The following PRKN variants were observed in gnomAD, a reference collection of about 807,000 sequenced individuals.
PRKN encodes E3 ubiquitin-protein ligase parkin.
A neutral mutation model predicts 59.5 loss-of-function variants in PRKN; 56 were observed. That is an observed-to-expected ratio of 0.94 (90% CI 0.76 to 1.18). PRKN has a LOEUF of 1.18. Among genes scored for constraint, PRKN ranks in the 50% most tolerant of loss-of-function variants. The probability of loss-of-function intolerance (pLI) is 0.00; values close to 1 mark genes in which losing one functional copy is unlikely to be tolerated. For missense variants in PRKN, 657 were observed against 596.4 expected, an observed-to-expected ratio of 1.10 and a Z score of -1.06; for synonymous variants, 250 against 222.1, an observed-to-expected ratio of 1.13 and a Z score of -1.12.
At chr6:162,452,475 G>A (rs75319790) in intron 1 of PRKN, among the ~76,000 whole-genome samples, 14,161 of 150,230 alleles carry the variant, frequency 0.094, 1,026 homozygotes, top group East Asian at 0.38. Context: ...TAATAGGTGC[G>A]GGGTAAATAT....
rs1376646284 is a variant in PRKN at position 161,446,037 on chromosome 6, C to CACCCTAACTTTTATATATATATTTTA, written c.1084-59161_1084-59160insTAAAATATATATATAAAAGTTAGGGT. ...TGGGCAACATGGTGAAACCCTGTCT[C>CACCCTAACTTTTATATATATATTTTA]TATAAAAAATATAAAACTTAGCTGG... On this transcript the variant is annotated intron_variant, in intron 9 of 11. Transcript: ENST00000366898. This position sits in a 1 kb window ranked among gnomAD's most constrained non-coding sequence, Gnocchi z 6.2. Among the ~76,000 whole-genome samples, 328 of 148,072 alleles carry CACCCTAACTTTTATATATATATTTTA rather than the reference C, an allele frequency of 2.2e-3. 7 individuals are homozygous for CACCCTAACTTTTATATATATATTTTA. In the East Asian group the frequency reaches 0.049, roughly 22 times the overall value.
At chr6:162,583,104 C>A (rs1452381739) in intron 1 of PRKN, among the ~76,000 whole-genome samples, 1 of 152,098 alleles carries the variant, frequency 6.6e-6, no homozygotes, top group Non-Finnish European at 1.5e-5. Context: ...CCTCTTTGAT[C>A]CCCTCGCTCA....
chr6:161,808,603 A>C (rs1300261588), intron 6 of PRKN, among the ~76,000 whole-genome samples: 4 of 152,150 alleles, frequency 2.6e-5, no homozygotes. Context: ...ATTATCTATA[A>C]ATTTGAAATT....
At position 161,376,119 on chromosome 6, in the gene PRKN, C is replaced by T. The variant is rs1257754308; in HGVS notation, c.1167+10675G>A. On this transcript the variant is annotated intron_variant, in intron 10 of 11. Coordinates refer to ENST00000366898, the MANE Select transcript of PRKN (RefSeq NM_004562.3). This position sits in a 1 kb window ranked among gnomAD's most constrained non-coding sequence, Gnocchi z 7.3. ...CAAAATAGATCAAAAAAGATCTCAGCTCCCTGGAGCCACTGCTGCTTCAGT... is the reference window on the plus strand; with the variant it reads ...CAAAATAGATCAAAAAAGATCTCAGTTCCCTGGAGCCACTGCTGCTTCAGT... 1.3e-5 allele frequency among the ~76,000 whole-genome samples: 2 copies of T among 152,172 alleles called. No homozygotes were observed. Among genetic ancestry groups the T allele is most frequent in the African/African-American group, 4.8e-5 (2 of 41,434 alleles).
chr6:162,561,400 T>G (rs9346922), intron 1 of PRKN, among the ~76,000 whole-genome samples: 2 of 151,630 alleles, frequency 1.3e-5, no homozygotes, highest in Non-Finnish European at 2.9e-5. Flanking sequence ...GACAAGATGG[T>G]AGAATAGAAA....
At chr6:162,573,907 A>G (rs1295740525) in intron 1 of PRKN, among the ~76,000 whole-genome samples, 1 of 152,192 alleles carries the variant, frequency 6.6e-6, no homozygotes, top group Non-Finnish European at 1.5e-5. Context: ...GACTTTATTA[A>G]CCAAAACTAG....
At chr6:161,726,460 G>T (rs1057063501) in intron 7 of PRKN, among the ~76,000 whole-genome samples, 8 of 152,160 alleles carry the variant, frequency 5.3e-5, no homozygotes, top group Admixed American at 4.6e-4. Context: ...GTAAGTGTGG[G>T]TTTCCCTTTC....
At chr6:162,688,213 T>C (rs1179776284) in intron 1 of PRKN, among the ~76,000 whole-genome samples, 1 of 152,190 alleles carries the variant, frequency 6.6e-6, no homozygotes, top group African/African-American at 2.4e-5. Flanking sequence ...ACATAATGCA[T>C]GATTCCATCT....
intron 1 of PRKN, among the ~76,000 whole-genome samples, chr6:162,526,733 C>A (rs374142823): frequency 1.7e-3 from 259 of 152,230 alleles, no homozygotes; most frequent in African/African-American, 6.0e-3. Flanking sequence ...AAAAGAAAAG[C>A]TGCATAAGAG....
chr6:162,353,691 G>A (rs1291203241), intron 2 of PRKN, among the ~76,000 whole-genome samples: 2 of 152,070 alleles, frequency 1.3e-5, no homozygotes, highest in Non-Finnish European at 2.9e-5. Context: ...TGATATAATA[G>A]AAAGAGTCCA....
chr6:162,102,308 A>G (rs1225414449), intron 4 of PRKN, among the ~76,000 whole-genome samples: 6 of 152,062 alleles, frequency 3.9e-5, no homozygotes, highest in African/African-American at 7.2e-5. Context: ...CTGTTCCTGC[A>G]TTAGTTATGC....
chr6:161,366,965 T>G (rs1346324313), intron 10 of PRKN, among the ~76,000 whole-genome samples: 4 of 151,122 alleles, frequency 2.6e-5, no homozygotes, highest in Non-Finnish European at 5.9e-5. Context: ...TGAAGTTTTT[T>G]GGGGTTTTTT....
At chr6:161,671,985 T>G (rs899046289) in intron 7 of PRKN, among the ~76,000 whole-genome samples, 6 of 152,194 alleles carry the variant, frequency 3.9e-5, no homozygotes, top group Non-Finnish European at 8.8e-5. Context: ...TCTCATGAAC[T>G]CGATAGAGTT....
At chr6:161,415,220 G>T (rs1260014220) in intron 9 of PRKN, among the ~76,000 whole-genome samples, 3 of 152,126 alleles carry the variant, frequency 2.0e-5, no homozygotes, top group Non-Finnish European at 4.4e-5. Context: ...TACCGTGTCC[G>T]CGAGGAACCA....
chr6:161,728,842 G>T (rs1787558557), intron 7 of PRKN, among the ~76,000 whole-genome samples: 1 of 152,088 alleles, frequency 6.6e-6, no homozygotes, highest in South Asian at 2.1e-4. Flanking sequence ...GAGCCTAATA[G>T]CAGGAACATA....
chr6:161,855,205 C>A (rs183500491), intron 6 of PRKN, among the ~76,000 whole-genome samples: 364 of 151,970 alleles, frequency 2.4e-3, no homozygotes, highest in Non-Finnish European at 3.5e-3. Context: ...ACCCCCAGAA[C>A]CTCTTTCTGC....
intron 7 of PRKN, among the ~76,000 whole-genome samples, chr6:161,688,030 G>A (rs764237023): frequency 1.6e-4 from 24 of 151,218 alleles, no homozygotes; most frequent in African/African-American, 4.4e-4. Flanking sequence ...TCCTTCCCTC[G>A]TCAGTCTTTC....
rs1466832605 is a variant in PRKN at position 162,033,107 on chromosome 6, T to C, written c.618+20984A>G. 2.0e-5 allele frequency among the ~76,000 whole-genome samples: 3 copies of C among 152,224 alleles called. No homozygotes were observed. In the South Asian group the frequency reaches 6.2e-4, roughly 31 times the overall value. ...GCTCCTCTCTCAGCTGTCTCACATG[T>C]TATGAATGATCTCGCCTCCATCACT... On this transcript the variant is annotated intron_variant, in intron 5 of 11. Coordinates refer to ENST00000366898, the MANE Select transcript of PRKN (RefSeq NM_004562.3).
chr6:161,867,717 T>C (rs1291793229), intron 6 of PRKN, among the ~76,000 whole-genome samples: 8 of 149,304 alleles, frequency 5.4e-5, no homozygotes, highest in African/African-American at 1.7e-4. Flanking sequence ...TGTCAACTAT[T>C]AGCAATCATG....
Sources: allele counts gnomAD v4.1 joint callset (sites outside exome capture counted in the v4.1 genomes callset), GRCh38; gene constraint gnomAD v4.1.1; non-coding constraint Gnocchi (gnomAD v3.1); transcripts MANE v1.5; gene names NCBI Gene and HGNC (gene_info 2026-07-23, HGNC 2026-07-21).